The following HPSE2 variants were observed in gnomAD, a reference collection of about 807,000 sequenced individuals.
The protein encoded by HPSE2 is heparanase 2 (inactive), also known as inactive heparanase-2.
A neutral mutation model predicts 60.5 loss-of-function variants in HPSE2; 38 were observed. That is an observed-to-expected ratio of 0.63 (90% CI 0.48 to 0.82). The LOEUF is 0.82. Ranked by LOEUF, HPSE2 falls within the 40% of genes least tolerant of loss-of-function variation. The pLI is 0.00. For synonymous variants in HPSE2, 295 were observed against 293.2 expected (o/e 1.01, Z -0.06); for missense variants, 713 against 740.4 (o/e 0.96, Z 0.43).
chr10:99,068,001 G>C (rs1842668555), intron 3 of HPSE2, among the ~76,000 whole-genome samples: 1 of 152,080 alleles, frequency 6.6e-6, no homozygotes. Flanking sequence ...CTAAGGCAGG[G>C]GGAAAATGCC....
intron 7 of HPSE2, among the ~76,000 whole-genome samples, chr10:98,624,613 T>C (rs1471000869): frequency 6.6e-6 from 1 of 152,222 alleles, no homozygotes; most frequent in Non-Finnish European, 1.5e-5. Context: ...ATAATGAAAC[T>C]GTATCATGAT....
At chr10:99,267,654 C>A in the HPSE2 span, among the ~76,000 whole-genome samples, 3 of 151,852 alleles carry the variant, frequency 2.0e-5, no homozygotes, top group African/African-American at 7.3e-5. Flanking sequence ...GGTGGTGGGG[C>A]CTGTAGTCCC....
At chr10:99,060,951 CA>C in intron 3 of HPSE2, among the ~76,000 whole-genome samples, 1 of 151,896 alleles carries the variant, frequency 6.6e-6, no homozygotes, top group South Asian at 2.1e-4. Context: ...CTGGGAATGG[CA>C]GTTGTTGGGG....
At chr10:99,289,010 C>T in the HPSE2 span, among the ~76,000 whole-genome samples, 1 of 152,014 alleles carries the variant, frequency 6.6e-6, no homozygotes, top group Non-Finnish European at 1.5e-5. Context: ...TTAAATTGGG[C>T]CATGGTCACT....
At chr10:98,899,387 G>A (rs1953594748) in intron 3 of HPSE2, among the ~76,000 whole-genome samples, 1 of 152,096 alleles carries the variant, frequency 6.6e-6, no homozygotes, top group South Asian at 2.1e-4. Context: ...GTAACACAAA[G>A]GGAGAAAAAT....
At chr10:98,791,466 T>C (rs1228434074) in intron 3 of HPSE2, among the ~76,000 whole-genome samples, 1 of 152,152 alleles carries the variant, frequency 6.6e-6, no homozygotes, top group East Asian at 1.9e-4. Flanking sequence ...ACATCTGCTA[T>C]AAAAGAAAAA....
At chr10:99,291,907 T>G in the HPSE2 span, among the ~76,000 whole-genome samples, 1 of 152,160 alleles carries the variant, frequency 6.6e-6, no homozygotes, top group Non-Finnish European at 1.5e-5. Context: ...CACACTGTAG[T>G]GAGCCCCACT....
intron 9 of HPSE2, among the ~76,000 whole-genome samples, chr10:98,498,257 A>G (rs541084988): frequency 6.6e-6 from 1 of 152,238 alleles, no homozygotes; most frequent in East Asian, 1.9e-4. Flanking sequence ...AGGACCTGGG[A>G]GACACCCTAA....
chr10:98,603,459 C>G, intron 9 of HPSE2, among the ~76,000 whole-genome samples: 1 of 132,496 alleles, frequency 7.5e-6, no homozygotes, highest in Non-Finnish European at 1.7e-5. Flanking sequence ...TTGACAGAGT[C>G]TTGCTCTGTC....
At chr10:99,154,327 A>G (rs1846429390) in intron 2 of HPSE2, among the ~76,000 whole-genome samples, 1 of 117,278 alleles carries the variant, frequency 8.5e-6, no homozygotes, top group African/African-American at 2.9e-5. Flanking sequence ...GAAATGAAGG[A>G]AAAAATGTTA....
intron 4 of HPSE2, among the ~76,000 whole-genome samples, chr10:98,737,562 C>A (rs1020455819): frequency 1.3e-5 from 2 of 151,994 alleles, no homozygotes; most frequent in Non-Finnish European, 2.9e-5. Flanking sequence ...ATGCCCCACC[C>A]TGCTTCTGCT....
intron 3 of HPSE2, among the ~76,000 whole-genome samples, chr10:99,065,013 A>C (rs1452885971): frequency 6.6e-6 from 1 of 152,172 alleles, no homozygotes; most frequent in Non-Finnish European, 1.5e-5. Context: ...CTAGAACATG[A>C]AGCTTTCCGT....
chr10:98,600,663 G>C (rs56349858), intron 9 of HPSE2, among the ~76,000 whole-genome samples: 63,206 of 150,820 alleles, frequency 0.42, 15,952 homozygotes, highest in Admixed American at 0.54. Context: ...TCATATAAGT[G>C]CTTAATTAAA....
chr10:98,916,953 A>G (rs990338756), intron 3 of HPSE2, among the ~76,000 whole-genome samples: 3 of 152,144 alleles, frequency 2.0e-5, no homozygotes, highest in African/African-American at 7.2e-5. Flanking sequence ...CTGGGAGGAA[A>G]TGAGGCTGCT....
At chr10:99,285,804 A>C in the HPSE2 span, among the ~76,000 whole-genome samples, 1 of 151,996 alleles carries the variant, frequency 6.6e-6, no homozygotes, top group East Asian at 2.0e-4. Flanking sequence ...ACATGCCTAT[A>C]ATCCCAGCTA....
chr10:98,861,532 T>C (rs533665800), intron 3 of HPSE2, among the ~76,000 whole-genome samples: 1 of 152,318 alleles, frequency 6.6e-6, no homozygotes, highest in East Asian at 1.9e-4. Flanking sequence ...GCTTGAAAAC[T>C]ATACCGAATG....
rs560324606 is a variant in HPSE2 at position 98,979,813 on chromosome 10, T to G, written c.610+164425A>C. Among the ~76,000 whole-genome samples the G allele has an allele frequency of 1.8e-4, 27 of 152,296 alleles. 1 individual carries two copies. The South Asian group carries it at 5.6e-3, about 32-fold the overall frequency. On this transcript the variant is annotated intron_variant, in intron 3 of 11. Coordinates refer to ENST00000370552, the MANE Select transcript of HPSE2 (RefSeq NM_021828.5). ...ATCTTCCCTATTTTCCAAAGGATATTTAAGCAACAAAAGCAGAAGCGTTAG... is the reference window on the plus strand; with the variant it reads ...ATCTTCCCTATTTTCCAAAGGATATGTAAGCAACAAAAGCAGAAGCGTTAG...
chr10:99,024,976 CAATA>C (rs965508647), intron 3 of HPSE2, among the ~76,000 whole-genome samples: 1 of 151,946 alleles, frequency 6.6e-6, no homozygotes, highest in African/African-American at 2.4e-5. Flanking sequence ...TCACAGAAAG[CAATA>C]AATAATCACT....
chr10:99,315,511 G>C, the HPSE2 span, among the ~76,000 whole-genome samples: 5 of 152,162 alleles, frequency 3.3e-5, no homozygotes, highest in East Asian at 5.8e-4. Context: ...AGCAGTCAGG[G>C]GAGAGGTGAA....
Sources: gnomAD v4.1 joint callset for allele counts (sites outside exome capture counted in the v4.1 genomes callset) on GRCh38, gnomAD v4.1.1 for gene constraint, MANE v1.5 for transcripts, NCBI Gene and HGNC (gene_info 2026-07-23, HGNC 2026-07-21) for gene names.